The following ADGRF1 variants were observed in gnomAD, a reference collection of about 807,000 sequenced individuals.
The protein encoded by ADGRF1 is G protein-coupled receptor 110.
ADGRF1 carries 85 observed loss-of-function variants against 87.2 expected under a neutral mutation model. That is an observed-to-expected ratio of 0.97 (90% CI 0.82 to 1.17). The LOEUF (loss-of-function observed/expected upper bound fraction) is 1.17. ADGRF1 is among the 50% of genes most tolerant of loss of function. ADGRF1 has a pLI of 0.00. For missense variants in ADGRF1, 1,169 were observed against 1,077.2 expected (o/e 1.09, Z -1.19); for synonymous variants, 430 against 408.8 (o/e 1.05, Z -0.63).
chr6:47,022,018 A>T lies in ADGRF1; in HGVS notation c.492T>A (p.Asn164Lys), dbSNP rs1462427010. The T allele has an allele frequency of 1.3e-6, 2 of 1,588,302 alleles. No homozygotes were observed. Among genetic ancestry groups the T allele is most frequent in the African/African-American group, 2.7e-5 (2 of 73,306 alleles). Residue 164 changes from asparagine (N) to lysine (K), a missense_variant, in exon 6 of 15, where the codon AAT (asparagine) becomes AAA (lysine). Asn to Lys is a moderately conservative substitution (Grantham distance 94). Coordinates refer to ENST00000371253, the MANE Select transcript of ADGRF1 (RefSeq NM_153840.4). ...GTFKINERFT[N>K]DLLNSSSAIY... is the part of the protein sequence containing the mutation. The stretch of plus-strand genomic sequence containing the variant: ...TAGCAGAAGATGAATTCAAAAGGTC[A>T]TTTGTAAACCTTTCATTAATTTTGA...
intron 10 of ADGRF1, 54 bp downstream of exon 10, chr6:47,011,953 C>T: frequency 1.3e-6 from 2 of 1,515,684 alleles, no homozygotes; most frequent in Non-Finnish European, 1.8e-6. Flanking sequence ...TTTGTCATTC[C>T]TCCTACAGGA....
chr6:47,019,845 C>G, intron 7 of ADGRF1: 1 of 984,616 alleles, frequency 1.0e-6, no homozygotes, highest in Non-Finnish European at 1.2e-6. Context: ...GTAAACATGG[C>G]TAACTAAACA....
intron 1 of ADGRF1, among the ~76,000 whole-genome samples, chr6:47,038,289 C>A (rs9463286): frequency 0.09 from 13,727 of 152,172 alleles, 1,416 homozygotes; most frequent in African/African-American, 0.25. Context: ...GGTTTTGGGA[C>A]GAAATAAGTA....
At chr6:47,028,280 C>T (rs80091960) in intron 2 of ADGRF1, among the ~76,000 whole-genome samples, 2,228 of 150,846 alleles carry the variant, frequency 0.015, 46 homozygotes, top group African/African-American at 0.051. Flanking sequence ...GTAGCAGCCA[C>T]GGAAGTAGTG....
In ADGRF1 at chr6:47,012,015, T is replaced by C. The variant is rs545343442; in HGVS notation, c.1108A>G (p.Thr370Ala). ...GCACAGGCAGACCATACCTCCATTG[T>C]TGAATTGGACACCCTGAAATGGCTG... The part of the protein sequence containing the change: ...LASHFRVSNS[T>A]MEDVISIADN... Residue 370 changes from threonine to alanine, a missense_variant, in exon 10 of 15, where the codon ACA (threonine) becomes GCA (alanine). Physicochemically the swap from Thr to Ala is moderately conservative, Grantham distance 58 (BLOSUM62 0). Transcript: ENST00000371253. 6 of 1,613,352 alleles carry C rather than the reference T, an allele frequency of 3.7e-6. No individual in the cohort carries two copies. Among genetic ancestry groups the C allele is most frequent in the East Asian group, 2.2e-5 (1 of 44,822 alleles).
chr6:47,015,986 C>G (rs537789483), intron 8 of ADGRF1, among the ~76,000 whole-genome samples: 4 of 152,118 alleles, frequency 2.6e-5, no homozygotes, highest in African/African-American at 9.7e-5. Flanking sequence ...CATCTGCCCA[C>G]TCTGGCCTCC....
Position 47,009,200 on chromosome 6 carries a change from C to T in ADGRF1, c.2235G>A (p.Leu745=). 3.1e-6 allele frequency: 5 copies of T among 1,614,198 alleles called. No individual in the cohort carries two copies. The highest frequency in any genetic ancestry group is 4.2e-6 in the Non-Finnish European group (5 of 1,180,048). ...TAGCCAGTGCAGGGACAACAAAAGC[C>T]AGGAGTGGTTTGCTTCCATTGGACC... is the stretch of plus-strand genomic sequence containing the variant. ...LNWSNGSKPL[L]AFVVPALAIV... Residue 745 remains leucine, a synonymous_variant, in exon 11 of 15, where the codon CTG becomes CTA. Coordinates refer to ENST00000371253, the MANE Select transcript of ADGRF1 (RefSeq NM_153840.4).
At chr6:47,035,822 T>C (rs998591079) in intron 1 of ADGRF1, among the ~76,000 whole-genome samples, 1 of 152,194 alleles carries the variant, frequency 6.6e-6, no homozygotes, top group African/African-American at 2.4e-5. Flanking sequence ...TTAATTTGCA[T>C]GTTCTCACTT....
At chr6:47,028,620 G>A (rs1780317860) in intron 2 of ADGRF1, among the ~76,000 whole-genome samples, 1 of 152,160 alleles carries the variant, frequency 6.6e-6, no homozygotes, top group South Asian at 2.1e-4. Flanking sequence ...GATCCTAGAT[G>A]AAAGCATCAC....
At position 47,005,998 on chromosome 6, in the gene ADGRF1, C is replaced by A. The variant is rs1483297088; in HGVS notation, c.2533-122G>T. ...TTATTTCCTAGAAGCAGTTAGTAGA[C>A]CATGAATGGATATCTGGTAGAAAGA... On this transcript the variant is annotated intron_variant, in intron 12 of 14. Coordinates refer to ENST00000371253, the MANE Select transcript of ADGRF1 (RefSeq NM_153840.4). 5.3e-6 allele frequency: 3 copies of A among 561,440 alleles called. No homozygotes were observed. The African/African-American group carries it at 5.7e-5, about 11-fold the overall frequency. 34.8% of individuals were successfully genotyped at this position (561,440 alleles called of 1,614,324 possible).
intron 7 of ADGRF1, chr6:47,019,642 C>A: frequency 2.1e-6 from 1 of 487,672 alleles, no homozygotes; most frequent in Non-Finnish European, 2.6e-6. Context: ...CGAGATCGTG[C>A]CACTGCACTC....
At position 47,008,937 on chromosome 6, in the gene ADGRF1, G is replaced by C; in HGVS notation, c.2490+8C>G. The C allele has an allele frequency of 6.3e-7, 1 of 1,574,840 alleles. No individual in the cohort carries two copies. The highest frequency in any genetic ancestry group is 1.2e-5 in the South Asian group (1 of 85,000). On this transcript the variant is annotated splice_region_variant and intron_variant, in intron 11 of 14. Transcript: ENST00000371253. ...GACAATACAATAGGTTATTGTTACT[G>C]TTCTCACCTGGAATGCATTGAGTAA... is the stretch of plus-strand genomic sequence containing the variant.
chr6:47,018,584 T>C (rs1183475288), intron 7 of ADGRF1: 4 of 1,289,466 alleles, frequency 3.1e-6, no homozygotes, highest in Non-Finnish European at 4.0e-6. Context: ...ATAACTGTCC[T>C]GTTTGACAGA....
rs1188253313 is a variant in ADGRF1, at chr6:47,009,172, C to A, written c.2263G>T (p.Val755Leu). The change falls in exon 11 of 15, where the codon GTG (valine) becomes TTG (leucine). Residue 755 changes from valine to leucine, a missense_variant. By Grantham distance (32) the Val-to-Leu change is conservative. Coordinates refer to ENST00000371253, the MANE Select transcript of ADGRF1 (RefSeq NM_153840.4). Reference protein sequence around the residue: ...LAFVVPALAIVAVNFVVVLLV... With the variant: ...LAFVVPALAILAVNFVVVLLV... ...AGCACCACAACGAAGTTCACAGCCA[C>A]AATAGCCAGTGCAGGGACAACAAAA... 6.8e-6 allele frequency: 11 copies of A among 1,614,190 alleles called. No individual in the cohort carries two copies. Among genetic ancestry groups the A allele is most frequent in the Non-Finnish European group, 9.3e-6 (11 of 1,180,038 alleles).
chr6:47,002,720 G>A (rs909493567), intron 13 of ADGRF1, among the ~76,000 whole-genome samples: 2 of 152,098 alleles, frequency 1.3e-5, no homozygotes, highest in African/African-American at 4.8e-5. Flanking sequence ...TGTGGAGGGG[G>A]GTCCATTGAG....
At chr6:47,029,157 G>C (rs1780336548) in intron 1 of ADGRF1, 53 bp from the exon 2 acceptor site, 1 of 1,016,530 alleles carries the variant, frequency 9.8e-7, no homozygotes, top group South Asian at 1.3e-5. Flanking sequence ...AGAAATTCAA[G>C]CCAAAATGTA....
intron 1 of ADGRF1, among the ~76,000 whole-genome samples, chr6:47,033,404 T>G (rs1780493285): frequency 6.6e-6 from 1 of 152,250 alleles, no homozygotes; most frequent in Non-Finnish European, 1.5e-5. Flanking sequence ...CCAACAGCTG[T>G]CTCCTTATCA....
intron 1 of ADGRF1, among the ~76,000 whole-genome samples, chr6:47,030,236 T>A (rs546425147): frequency 1.3e-3 from 195 of 152,302 alleles, no homozygotes; most frequent in African/African-American, 4.3e-3. Flanking sequence ...GCAGAGACCT[T>A]TTCTAGGGCT....
At chr6:47,001,469 C>A (rs768445852) in intron 14 of ADGRF1, 32 bp downstream of exon 14, 3 of 1,586,574 alleles carry the variant, frequency 1.9e-6, no homozygotes, top group African/African-American at 1.3e-5. Context: ...CTTTTCACAC[C>A]TTTTATAACC....
Sources: gnomAD v4.1 joint callset for allele counts (sites outside exome capture counted in the v4.1 genomes callset) on GRCh38, gnomAD v4.1.1 for gene constraint, MANE v1.5 for transcripts, NCBI Gene and HGNC (gene_info 2026-07-23, HGNC 2026-07-21) for gene names.